PACRG: variants seen among roughly 807,000 people sequenced by gnomAD.
PACRG encodes the protein parkin coregulated gene protein.
A neutral mutation model predicts 29.7 loss-of-function variants in PACRG; 29 were observed. The ratio of observed to expected loss-of-function variants is 0.98; its 90% CI spans 0.73 to 1.33. The LOEUF is 1.33. Among genes scored for constraint, PACRG ranks in the 40% most tolerant of loss-of-function variants. The pLI, the probability that PACRG is intolerant of heterozygous loss-of-function variation, is 0.00. For synonymous variants in PACRG, 116 were observed against 118.7 expected (o/e 0.98, Z 0.15); for missense variants, 279 against 316.2 (o/e 0.88, Z 0.89).
intron 2 of PACRG, among the ~76,000 whole-genome samples, chr6:162,884,904 C>T (rs906755520): frequency 6.6e-6 from 1 of 152,136 alleles, no homozygotes; most frequent in Non-Finnish European, 1.5e-5. Context: ...ATAATATGAA[C>T]CCAGCCCGTG....
In PACRG at chr6:162,814,199, C is replaced by T. The variant is rs1187775806; in HGVS notation, c.209C>T (p.Thr70Ile). Residue 70 changes from threonine to isoleucine, a missense_variant, in exon 2 of 5, where the codon ACA (threonine) becomes ATA (isoleucine). Transcript: ENST00000366888. ...GAFKERPTKP[T>I]AFRKFYERGD... ...TTTAAAGAAAGACCAACCAAGCCCA[C>T]AGCATTTCGAAAATTCTATGAGCGA... 5 of 1,613,820 alleles carry T rather than the reference C, an allele frequency of 3.1e-6. No homozygotes were observed. Among genetic ancestry groups the T allele is most frequent in the Non-Finnish European group, 4.2e-6 (5 of 1,179,868 alleles).
chr6:162,796,488 A>G (rs1785392506), intron 1 of PACRG, among the ~76,000 whole-genome samples: 1 of 152,080 alleles, frequency 6.6e-6, no homozygotes, highest in African/African-American at 2.4e-5. Context: ...GGTTATCTTT[A>G]TAACGGTATA....
intron 4 of PACRG, among the ~76,000 whole-genome samples, chr6:163,300,644 T>C (rs2128189878): frequency 6.6e-6 from 1 of 152,324 alleles, no homozygotes; most frequent in East Asian, 1.9e-4. Context: ...TTATAACACA[T>C]GTATTAAGTG....
chr6:163,299,247 C>T (rs559731268), intron 4 of PACRG, among the ~76,000 whole-genome samples: 10 of 152,302 alleles, frequency 6.6e-5, no homozygotes, highest in South Asian at 4.1e-4. Context: ...TTTTATCCTC[C>T]GACTGGGAAG....
chr6:162,780,488 A>T (rs935840647), intron 1 of PACRG, among the ~76,000 whole-genome samples: 6 of 152,218 alleles, frequency 3.9e-5, no homozygotes, highest in Non-Finnish European at 8.8e-5. Context: ...AGCCTGTAAA[A>T]AGTAATATCC....
chr6:163,290,278 GCACACA>G (rs3064946), intron 4 of PACRG, among the ~76,000 whole-genome samples: 2,469 of 114,522 alleles, frequency 0.022, 28 homozygotes, highest in Admixed American at 0.036. Context: ...GCGCGCGCGC[GCACACA>G]CACACACACA....
At chr6:163,305,205 C>G (rs143988715) in intron 4 of PACRG, among the ~76,000 whole-genome samples, 4,527 of 152,306 alleles carry the variant, frequency 0.03, 81 homozygotes, top group Non-Finnish European at 0.04. Context: ...CTGCAAGAAC[C>G]CTTTCCTGAA....
At chr6:163,254,211 A>AT (rs1287374462) in intron 4 of PACRG, among the ~76,000 whole-genome samples, 5 of 152,200 alleles carry the variant, frequency 3.3e-5, no homozygotes, top group Non-Finnish European at 7.3e-5. Context: ...CTGACATCTG[A>AT]TTTTTTAAGG....
At chr6:163,213,467 A>G (rs1781235651) in intron 4 of PACRG, among the ~76,000 whole-genome samples, 1 of 152,236 alleles carries the variant, frequency 6.6e-6, no homozygotes, top group Non-Finnish European at 1.5e-5. Context: ...AGTGGTAGTA[A>G]TATACCGGTG....
chr6:163,280,178 A>G (rs571013687), intron 4 of PACRG, among the ~76,000 whole-genome samples: 2 of 152,244 alleles, frequency 1.3e-5, no homozygotes, highest in East Asian at 1.9e-4. Flanking sequence ...TGCTGTGTGC[A>G]TGGGATGTGG....
chr6:162,985,348 T>C (rs894306126), intron 2 of PACRG, among the ~76,000 whole-genome samples: 16 of 152,176 alleles, frequency 1.1e-4, no homozygotes, highest in Non-Finnish European at 1.0e-4. Flanking sequence ...ATGAAAAAGA[T>C]AATCCACCAT....
chr6:163,042,525 T>C (rs1239350589), intron 2 of PACRG: 3 of 152,206 alleles, frequency 2.0e-5, no homozygotes, highest in Non-Finnish European at 4.4e-5. Context: ...AAGTTCAGTC[T>C]TTCTTATGGC....
intron 2 of PACRG, among the ~76,000 whole-genome samples, chr6:162,846,028 G>A (rs1326803542): frequency 6.6e-6 from 1 of 152,280 alleles, no homozygotes; most frequent in Admixed American, 6.5e-5. Context: ...CAGTGACAGG[G>A]TGGGGGAGCC....
At chr6:163,098,571 T>C (rs924802689) in intron 4 of PACRG, among the ~76,000 whole-genome samples, 4 of 152,148 alleles carry the variant, frequency 2.6e-5, no homozygotes, top group African/African-American at 9.7e-5. Flanking sequence ...CTGGACCTGT[T>C]TTCAAAGCCA....
At chr6:163,065,812 A>G (rs1305320883) in intron 3 of PACRG, among the ~76,000 whole-genome samples, 1 of 152,252 alleles carries the variant, frequency 6.6e-6, no homozygotes, top group East Asian at 1.9e-4. Flanking sequence ...CCGTAGTAGA[A>G]CTAAAATCTC....
chr6:163,208,654 TC>T (rs1323437004), intron 4 of PACRG, among the ~76,000 whole-genome samples: 1 of 152,234 alleles, frequency 6.6e-6, no homozygotes, highest in African/African-American at 2.4e-5. Context: ...AAAAGAATGC[TC>T]AAATATTACT....
At chr6:162,783,957 G>T (rs1451370315) in intron 1 of PACRG, among the ~76,000 whole-genome samples, 1 of 151,878 alleles carries the variant, frequency 6.6e-6, no homozygotes, top group Non-Finnish European at 1.5e-5. Flanking sequence ...CATATACCTT[G>T]TTGCCATTTT....
chr6:163,107,010 A>G (rs1449373377), intron 4 of PACRG, among the ~76,000 whole-genome samples: 1 of 152,232 alleles, frequency 6.6e-6, no homozygotes, highest in African/African-American at 2.4e-5. Flanking sequence ...ATGATCAAGA[A>G]GAAAGTCATT....
At chr6:163,103,681 G>A (rs1815225828) in intron 4 of PACRG, among the ~76,000 whole-genome samples, 1 of 152,218 alleles carries the variant, frequency 6.6e-6, no homozygotes. Context: ...AACATCTGTA[G>A]AATTGAGGTT....
Sources: gnomAD v4.1 joint callset for allele counts (sites outside exome capture counted in the v4.1 genomes callset) on GRCh38, gnomAD v4.1.1 for gene constraint, MANE v1.5 for transcripts, NCBI Gene and HGNC (gene_info 2026-07-23, HGNC 2026-07-21) for gene names.